The following TUSC3 variants were observed in gnomAD, a reference collection of about 807,000 sequenced individuals.
TUSC3 encodes the protein tumor suppressor candidate 3.
TUSC3 carries 45 observed loss-of-function variants against 44.8 expected under a neutral mutation model. The ratio of observed to expected loss-of-function variants is 1.00; its 90% CI spans 0.79 to 1.29. The LOEUF (loss-of-function observed/expected upper bound fraction) is 1.29. TUSC3 is among the 50% of genes most tolerant of loss of function. The pLI is 0.00. For missense variants in TUSC3, 519 were observed against 437.9 expected (o/e 1.19, Z -1.65); for synonymous variants, 212 against 152.9 (o/e 1.39, Z -2.85).
At chr8:15,742,574 T>C (rs1260158043) in intron 7 of TUSC3, among the ~76,000 whole-genome samples, 1 of 152,230 alleles carries the variant, frequency 6.6e-6, no homozygotes, top group East Asian at 1.9e-4. Context: ...TGCCCAATAC[T>C]GTCCTTTGAG....
upstream of TUSC3, among the ~76,000 whole-genome samples, chr8:15,535,792 G>A (rs969581948): frequency 2.6e-5 from 4 of 152,146 alleles, no homozygotes; most frequent in Admixed American, 2.6e-4. Context: ...GGAGTTTTAA[G>A]AAGGGGAGGT....
At chr8:15,542,757 G>A (rs1801733755) in intron 1 of TUSC3, among the ~76,000 whole-genome samples, 1 of 152,098 alleles carries the variant, frequency 6.6e-6, no homozygotes, top group Non-Finnish European at 1.5e-5. Flanking sequence ...ACATTGTTGA[G>A]GATTAAAAAA....
rs1246383183 is a variant in TUSC3, at chr8:15,739,792, A to T, written c.863-3746A>T. On this transcript the variant is annotated intron_variant, in intron 7 of 10. Coordinates refer to ENST00000503731, the MANE Select transcript of TUSC3 (RefSeq NM_006765.4). The stretch of plus-strand genomic sequence containing the variant: ...TTATGTTCTTTGCCCAATGCTTGTT[A>T]TCATTTTCATCTAATCCTGATATCA... 5.9e-5 allele frequency among the ~76,000 whole-genome samples: 9 copies of T among 152,188 alleles called. 1 individual carries two copies. Among genetic ancestry groups the T allele is most frequent in the Admixed American group, 5.9e-4 (9 of 15,284 alleles).
At chr8:15,429,534 G>A (rs1005765509) in intron 1 of TUSC3, among the ~76,000 whole-genome samples, 2 of 150,100 alleles carry the variant, frequency 1.3e-5, no homozygotes, top group African/African-American at 2.5e-5. Flanking sequence ...GATGGGGATG[G>A]CATTGAATCT....
intron 1 of TUSC3, among the ~76,000 whole-genome samples, chr8:15,466,724 T>C (rs563236142): frequency 9.7e-4 from 148 of 152,230 alleles, no homozygotes; most frequent in African/African-American, 3.5e-3. Context: ...CTGTTTTTGT[T>C]GTTGCTATTG....
chr8:15,581,627 C>T (rs1003590833), intron 1 of TUSC3, among the ~76,000 whole-genome samples: 3 of 149,848 alleles, frequency 2.0e-5, no homozygotes, highest in African/African-American at 5.0e-5. Context: ...AGTTAGGCTG[C>T]TTGGGGGTCA....
chr8:15,699,671 G>A (rs976050112), intron 6 of TUSC3, among the ~76,000 whole-genome samples: 1 of 152,158 alleles, frequency 6.6e-6, no homozygotes. Flanking sequence ...GAAAGATGAG[G>A]AAGTTGTATA....
At chr8:15,625,266 G>C (rs939201719) in intron 2 of TUSC3, among the ~76,000 whole-genome samples, 4 of 151,966 alleles carry the variant, frequency 2.6e-5, no homozygotes, top group Non-Finnish European at 5.9e-5. Flanking sequence ...GAAGAAGTTT[G>C]ATCTAAGTTA....
intron 6 of TUSC3, among the ~76,000 whole-genome samples, chr8:15,703,103 A>G (rs139906751): frequency 9.2e-5 from 14 of 152,218 alleles, no homozygotes; most frequent in Non-Finnish European, 1.9e-4. Context: ...TGATTCCCCA[A>G]ATGATTACAG....
intron 5 of TUSC3, among the ~76,000 whole-genome samples, chr8:15,662,528 A>G (rs1176895074): frequency 6.6e-6 from 1 of 151,986 alleles, no homozygotes; most frequent in Non-Finnish European, 1.5e-5. Context: ...CACAAGTGCT[A>G]GATAAATACA....
intron 5 of TUSC3, among the ~76,000 whole-genome samples, chr8:15,671,527 G>A (rs1000198415): frequency 4.6e-5 from 7 of 152,096 alleles, no homozygotes; most frequent in South Asian, 4.1e-4. Flanking sequence ...AAGTGCCAGC[G>A]CTATGTGAGT....
intron 7 of TUSC3, among the ~76,000 whole-genome samples, chr8:15,743,076 G>A (rs1027587280): frequency 3.3e-5 from 5 of 152,140 alleles, no homozygotes; most frequent in Non-Finnish European, 7.4e-5. Context: ...ATTTTCAAGT[G>A]ACATGATACC....
In TUSC3 at chr8:15,540,392, C is replaced by T. The variant is rs971267940; in HGVS notation, c.-39C>T. 1.8e-5 allele frequency: 27 copies of T among 1,520,372 alleles called. No individual in the cohort carries two copies. In the Admixed American group the frequency reaches 1.8e-4, roughly 10 times the overall value. The allele number at this position is 1,520,372 out of a possible 1,614,324, so 94.2% of individuals were successfully genotyped here. ...TGGTGCGCGGTAGGAGCTGGGCGCG[C>T]ACGGCTACCGCGCGTGGAGGAGACA... On this transcript the variant is annotated 5_prime_UTR_variant, in exon 1 of 11. Transcript: ENST00000503731.
At chr8:15,583,933 C>T (rs556139785) in intron 1 of TUSC3, among the ~76,000 whole-genome samples, 3 of 152,206 alleles carry the variant, frequency 2.0e-5, no homozygotes, top group South Asian at 4.2e-4. Flanking sequence ...GGAGTAGCAC[C>T]TTAGTAAGCA....
intron 3 of TUSC3, among the ~76,000 whole-genome samples, chr8:15,652,651 T>G (rs1260764196): frequency 1.3e-5 from 2 of 152,176 alleles, no homozygotes; most frequent in African/African-American, 2.4e-5. Flanking sequence ...ATTAGAGTAC[T>G]GTAAGAACCA....
At chr8:15,693,103 T>C (rs1370589086) in intron 6 of TUSC3, among the ~76,000 whole-genome samples, 1 of 152,208 alleles carries the variant, frequency 6.6e-6, no homozygotes, top group African/African-American at 2.4e-5. Context: ...CTTGATTCTT[T>C]ATGCAACTTG....
the TUSC3 span, among the ~76,000 whole-genome samples, chr8:15,845,707 G>T: frequency 1.1e-4 from 16 of 152,080 alleles, no homozygotes; most frequent in Admixed American, 1.0e-3. Flanking sequence ...TGCTCTAGGG[G>T]TTTGGAAAAG....
intron 6 of TUSC3, among the ~76,000 whole-genome samples, chr8:15,712,204 A>G (rs566315498): frequency 1.3e-5 from 2 of 152,112 alleles, no homozygotes; most frequent in African/African-American, 4.8e-5. Context: ...AGGACTTTTA[A>G]AGATTATCTA....
chr8:15,777,319 A>G, the TUSC3 span, among the ~76,000 whole-genome samples: 1 of 152,178 alleles, frequency 6.6e-6, no homozygotes, highest in African/African-American at 2.4e-5. Flanking sequence ...AAGCTGAAGG[A>G]AAAGAAGGCA....
Sources: gnomAD v4.1 joint callset for allele counts (sites outside exome capture counted in the v4.1 genomes callset) on GRCh38, gnomAD v4.1.1 for gene constraint, MANE v1.5 for transcripts, NCBI Gene and HGNC (gene_info 2026-07-23, HGNC 2026-07-21) for gene names.